The following TLN2 variants were observed in gnomAD, a reference collection of about 807,000 sequenced individuals.
The protein encoded by TLN2 is talin 2.
A neutral mutation model predicts 294.7 loss-of-function variants in TLN2; 118 were observed. The ratio of observed to expected loss-of-function variants is 0.40; its 90% CI spans 0.34 to 0.47. The LOEUF is 0.47. Among genes scored for constraint, TLN2 ranks in the 20% least tolerant of loss-of-function variants. TLN2 has a pLI of 0.84. For synonymous variants in TLN2, 1,431 were observed against 1,304.5 expected (o/e 1.10, Z -2.09); for missense variants, 3,083 against 3,282.2 (o/e 0.94, Z 1.48).
chr15:62,515,940 T>C (rs533913313), intron 1 of TLN2, among the ~76,000 whole-genome samples: 1 of 152,332 alleles, frequency 6.6e-6, no homozygotes, highest in South Asian at 2.1e-4. Context: ...TCGCTGCTGC[T>C]GAACCCCCTA....
chr15:62,797,265 C>G lies in TLN2; in HGVS notation c.6097C>G (p.Leu2033Val). 1 of 1,614,060 alleles carries G rather than the reference C, an allele frequency of 6.2e-7. No homozygotes were observed. Among genetic ancestry groups the G allele is most frequent in the South Asian group, 1.1e-5 (1 of 91,084 alleles). ...CAAGGCCTTGGTAGAAGACACGAAACTACTTGTGTCAGGAGCTGCGTCCAC... is the reference window on the plus strand; with the variant it reads ...CAAGGCCTTGGTAGAAGACACGAAAGTACTTGTGTCAGGAGCTGCGTCCAC... ...TAKALVEDTKLLVSGAASTPD... is the reference protein window; with the variant it reads ...TAKALVEDTKVLVSGAASTPD... The change falls in exon 48 of 59, where the codon CTA becomes GTA. Residue 2033 changes from leucine (L) to valine (V), a missense_variant. Leu to Val is a conservative substitution (Grantham distance 32). Transcript: ENST00000636159.
intron 1 of TLN2, among the ~76,000 whole-genome samples, chr15:62,481,823 A>T (rs1403682020): frequency 1.6e-5 from 2 of 121,968 alleles, no homozygotes; most frequent in African/African-American, 3.1e-5. Flanking sequence ...TTTAAGACGG[A>T]GTCTCTCTCT....
At chr15:62,390,957 C>A (rs898583411) in intron 1 of TLN2, among the ~76,000 whole-genome samples, 9 of 152,240 alleles carry the variant, frequency 5.9e-5, no homozygotes, top group East Asian at 3.9e-4. Flanking sequence ...CGGACCCGGG[C>A]GCAGCGGTTT....
rs1456754380 is a variant in TLN2 at position 62,800,504 on chromosome 15, G to A, written c.6360+11G>A. 1.9e-6 allele frequency: 3 copies of A among 1,613,580 alleles called. No individual in the cohort carries two copies. Among genetic ancestry groups the A allele is most frequent in the Non-Finnish European group, 2.5e-6 (3 of 1,179,784 alleles). On this transcript the variant is annotated intron_variant, in intron 49 of 58. Transcript: ENST00000636159. ...AAGGGGGCTGCCAAGGTAGAGTGGG[G>A]CTCCGACTGGGGATGAGCACCTGAG... is the stretch of plus-strand genomic sequence containing the variant.
intron 2 of TLN2, among the ~76,000 whole-genome samples, chr15:62,611,633 TC>T (rs1414418988): frequency 6.6e-6 from 1 of 152,200 alleles, no homozygotes; most frequent in Non-Finnish European, 1.5e-5. Context: ...TATCCTTCCT[TC>T]CTGCAGTAAG....
rs59964465 is a variant in TLN2 at position 62,558,765 on chromosome 15, A to C, written c.-237-30922A>C. On this transcript the variant is annotated intron_variant, in intron 1 of 58. Transcript: ENST00000636159. ...GCAGCAGGTTGGGGGAAGATAAGTA[A>C]CTGCAGATAACGGCTAGTTAGCAAA... Among the ~76,000 whole-genome samples the C allele has an allele frequency of 1.6e-3, 240 of 152,282 alleles. 2 individuals are homozygous for C. The highest frequency in any genetic ancestry group is 4.2e-3 in the African/African-American group (174 of 41,544).
intron 32 of TLN2, among the ~76,000 whole-genome samples, chr15:62,745,929 C>G (rs1180257045): frequency 1.3e-5 from 2 of 152,214 alleles, no homozygotes; most frequent in Non-Finnish European, 2.9e-5. Context: ...CCAAGCATCT[C>G]ACTTAGACAC....
At chr15:62,505,006 G>C (rs1313004412) in intron 1 of TLN2, among the ~76,000 whole-genome samples, 2 of 152,286 alleles carry the variant, frequency 1.3e-5, no homozygotes, top group East Asian at 3.9e-4. Context: ...CCCCAGGCTG[G>C]AGTGTAGTGG....
intron 9 of TLN2, among the ~76,000 whole-genome samples, chr15:62,672,166 G>T (rs1414164769): frequency 6.6e-6 from 1 of 152,126 alleles, no homozygotes; most frequent in Non-Finnish European, 1.5e-5. Flanking sequence ...GTATAATGAT[G>T]ATTTTGGACT....
At chr15:62,815,393 G>T (rs757388241) in intron 52 of TLN2, among the ~76,000 whole-genome samples, 1 of 152,112 alleles carries the variant, frequency 6.6e-6, no homozygotes, top group African/African-American at 2.4e-5. Context: ...AATTGATCCC[G>T]TTTTTAACAA....
At chr15:62,766,198 C>T (rs2062993339) in intron 40 of TLN2, 123 bp from the exon 41 acceptor site, 2 of 733,400 alleles carry the variant, frequency 2.7e-6, no homozygotes, top group Non-Finnish European at 2.2e-6. Flanking sequence ...TGATGGCACA[C>T]ACGCAGGCAT....
chr15:62,648,545 A>ATTTTT (rs749151123), intron 4 of TLN2, among the ~76,000 whole-genome samples: 8 of 120,646 alleles, frequency 6.6e-5, no homozygotes, highest in Middle Eastern at 4.6e-3. Context: ...GATGATGACG[A>ATTTTT]TTTTTTTTTT....
At chr15:62,838,439 C>T (rs976546701) in intron 57 of TLN2, among the ~76,000 whole-genome samples, 8 of 152,142 alleles carry the variant, frequency 5.3e-5, no homozygotes, top group Non-Finnish European at 8.8e-5. Context: ...GGGAGACAAG[C>T]GAAAGTGATG....
chr15:62,516,807 T>A (rs2140463113), intron 1 of TLN2, among the ~76,000 whole-genome samples: 1 of 152,256 alleles, frequency 6.6e-6, no homozygotes, highest in Non-Finnish European at 1.5e-5. Flanking sequence ...GAGCAGAAAG[T>A]TTTTTTGGGG....
chr15:62,412,825 G>A (rs759523661), intron 1 of TLN2, among the ~76,000 whole-genome samples: 1 of 152,156 alleles, frequency 6.6e-6, no homozygotes. Flanking sequence ...TGAAATAAGC[G>A]TCCGTGCACA....
At chr15:62,781,671 G>A (rs1009058281) in intron 44 of TLN2, among the ~76,000 whole-genome samples, 1 of 152,106 alleles carries the variant, frequency 6.6e-6, no homozygotes, top group African/African-American at 2.4e-5. Flanking sequence ...GAGATTATCT[G>A]ATGAAATCAA....
intron 28 of TLN2, among the ~76,000 whole-genome samples, chr15:62,730,387 G>A (rs932732815): frequency 2.0e-5 from 3 of 152,126 alleles, no homozygotes; most frequent in Admixed American, 6.5e-5. Context: ...TACAGTCTCA[G>A]TGTTGTTCCA....
At chr15:62,523,961 AGAGCAATCT>A (rs201893451) in intron 1 of TLN2, among the ~76,000 whole-genome samples, 1,725 of 152,372 alleles carry the variant, frequency 0.011, 11 homozygotes, top group Middle Eastern at 0.034. Context: ...AACCCAGAAC[AGAGCAATCT>A]GAGCAAAGCA....
chr15:62,522,001 C>A (rs1296521636), intron 1 of TLN2, among the ~76,000 whole-genome samples: 1 of 152,176 alleles, frequency 6.6e-6, no homozygotes, highest in East Asian at 1.9e-4. Context: ...TTTGCCTAAA[C>A]TCCAAAAGGG....
Sources: gnomAD v4.1 joint callset for allele counts (sites outside exome capture counted in the v4.1 genomes callset) on GRCh38, gnomAD v4.1.1 for gene constraint, MANE v1.5 for transcripts, NCBI Gene and HGNC (gene_info 2026-07-23, HGNC 2026-07-21) for gene names.